The following DOCK1 variants were observed in gnomAD, a reference collection of about 807,000 sequenced individuals.
DOCK1 encodes the protein dedicator of cytokinesis 1, also known as dedicator of cytokinesis protein 1.
In DOCK1, 138 loss-of-function variants were observed where a neutral mutation model predicts 262.7. That is an observed-to-expected ratio of 0.53 (90% CI 0.46 to 0.61). The LOEUF is 0.61. DOCK1 is among the 20% of genes least tolerant of loss of function. The pLI, the probability that DOCK1 is intolerant of heterozygous loss-of-function variation, is 0.00. For missense variants in DOCK1, 1,908 were observed against 2,370.7 expected (o/e 0.80, Z 4.05); for synonymous variants, 866 against 867.4 (o/e 1.00, Z 0.03).
At chr10:127,269,974 T>C (rs2060502296) in intron 29 of DOCK1, among the ~76,000 whole-genome samples, 1 of 152,216 alleles carries the variant, frequency 6.6e-6, no homozygotes, top group Non-Finnish European at 1.5e-5. Context: ...AGTGGCACTG[T>C]CTACAGAGCC....
chr10:127,282,628 A>G (rs1331034979), intron 29 of DOCK1, among the ~76,000 whole-genome samples: 2 of 152,166 alleles, frequency 1.3e-5, no homozygotes, highest in African/African-American at 2.4e-5. Flanking sequence ...GGGCAAAACC[A>G]CAGCACACAC....
At chr10:127,352,521 C>G (rs1164925071) in intron 31 of DOCK1, among the ~76,000 whole-genome samples, 1 of 152,122 alleles carries the variant, frequency 6.6e-6, no homozygotes, top group Non-Finnish European at 1.5e-5. Flanking sequence ...TCTAATCATT[C>G]TGGGACCTGA....
intron 27 of DOCK1, among the ~76,000 whole-genome samples, chr10:127,160,066 T>G (rs896402681): frequency 1.6e-4 from 24 of 151,130 alleles, no homozygotes; most frequent in Non-Finnish European, 3.5e-4. Context: ...AGATGGGGCC[T>G]GAGAGGCAGG....
intron 29 of DOCK1, among the ~76,000 whole-genome samples, chr10:127,309,971 G>C (rs2062005494): frequency 6.6e-6 from 1 of 151,786 alleles, no homozygotes; most frequent in South Asian, 2.1e-4. Flanking sequence ...CACCTCCCAG[G>C]TTCAAGCAAT....
At chr10:126,929,598 C>T (rs1161023710) in intron 1 of DOCK1, among the ~76,000 whole-genome samples, 2 of 151,896 alleles carry the variant, frequency 1.3e-5, no homozygotes, top group Admixed American at 1.3e-4. Flanking sequence ...CTGAGGGAGG[C>T]GCTACCTGGG....
intron 2 of DOCK1, among the ~76,000 whole-genome samples, chr10:126,973,514 A>G (rs574995062): frequency 2.0e-5 from 3 of 152,248 alleles, no homozygotes; most frequent in African/African-American, 7.2e-5. Context: ...ATGATAAGAG[A>G]TCTACAGTGA....
chr10:127,362,335 A>G, intron 33 of DOCK1, 123 bp downstream of exon 33: 3 of 1,139,068 alleles, frequency 2.6e-6, no homozygotes, highest in Non-Finnish European at 3.5e-6. Flanking sequence ...ACATTTTCCT[A>G]CAGCTTGAGA....
At chr10:127,441,273 T>C (rs2070106367) in intron 49 of DOCK1, among the ~76,000 whole-genome samples, 1 of 152,160 alleles carries the variant, frequency 6.6e-6, no homozygotes, top group Non-Finnish European at 1.5e-5. Flanking sequence ...CTAGGGTCCT[T>C]GCAAGCAGCA....
At chr10:127,134,097 C>G (rs2050496847) in intron 27 of DOCK1, among the ~76,000 whole-genome samples, 1 of 152,194 alleles carries the variant, frequency 6.6e-6, no homozygotes, top group Non-Finnish European at 1.5e-5. Context: ...TTACTAACAC[C>G]ATGACATAGA....
chr10:127,110,321 G>A lies in DOCK1; in HGVS notation c.2590G>A (p.Glu864Lys). 3 of 1,613,360 alleles carry A rather than the reference G, an allele frequency of 1.9e-6. No homozygotes were observed. The highest frequency in any genetic ancestry group is 1.1e-5 in the South Asian group (1 of 90,820). Residue 864 changes from glutamate to lysine, a missense_variant, in exon 25 of 52, where the codon GAA becomes AAA. Physicochemically the swap from Glu to Lys is moderately conservative, Grantham distance 56. Transcript: ENST00000623213. ...CATCCAGAAACTCTACTGCTTGATC[G>A]AAATCGTCCACAGTGACCTCTTCAC... Reference protein sequence around the residue: ...LTIQKLYCLIEIVHSDLFTQH... With the variant: ...LTIQKLYCLIKIVHSDLFTQH...
chr10:127,051,339 C>T (rs1163398409), intron 21 of DOCK1, among the ~76,000 whole-genome samples: 1 of 151,892 alleles, frequency 6.6e-6, no homozygotes, highest in Non-Finnish European at 1.5e-5. Flanking sequence ...TCTTACTATT[C>T]TTATATATTG....
intron 4 of DOCK1, among the ~76,000 whole-genome samples, chr10:126,983,616 CT>C (rs2039139165): frequency 1.3e-5 from 2 of 152,074 alleles, no homozygotes; most frequent in South Asian, 4.2e-4. Context: ...CAGGCTCTGT[CT>C]TTCTCTTGCA....
At chr10:127,126,404 G>T (rs2049963953) in intron 26 of DOCK1, among the ~76,000 whole-genome samples, 1 of 149,720 alleles carries the variant, frequency 6.7e-6, no homozygotes, top group Admixed American at 6.7e-5. Flanking sequence ...TTTCTAAATT[G>T]TATGCTTCTT....
intron 29 of DOCK1, among the ~76,000 whole-genome samples, chr10:127,277,111 C>T (rs921015554): frequency 3.9e-5 from 6 of 152,146 alleles, no homozygotes; most frequent in South Asian, 2.1e-4. Context: ...AACTGGTAAA[C>T]GCTCAGTTTC....
chr10:126,933,566 G>T (rs2034337937), intron 1 of DOCK1, among the ~76,000 whole-genome samples: 1 of 152,084 alleles, frequency 6.6e-6, no homozygotes. Context: ...GCCTAGGGAG[G>T]GGGTAAAAAG....
intron 1 of DOCK1, among the ~76,000 whole-genome samples, chr10:126,950,599 C>T (rs896790927): frequency 8.5e-5 from 13 of 152,140 alleles, no homozygotes; most frequent in East Asian, 3.9e-4. Flanking sequence ...TTGTTGTGGA[C>T]GCAGCAGTAC....
chr10:127,086,975 T>C (rs2047236439), intron 23 of DOCK1, among the ~76,000 whole-genome samples: 1 of 152,180 alleles, frequency 6.6e-6, no homozygotes, highest in South Asian at 2.1e-4. Context: ...TGTAATGCAA[T>C]TCTTATTTAA....
chr10:127,043,103 C>T lies in DOCK1; in HGVS notation c.2140C>T (p.His714Tyr), dbSNP rs1350380468. The change falls in exon 21 of 52, where the codon CAT becomes TAT. Residue 714 changes from histidine (H) to tyrosine (Y), a missense_variant. Transcript: ENST00000623213. Reference protein sequence around the residue: ...IGLIADRKFQHFNPVLETYIK... With the variant: ...IGLIADRKFQYFNPVLETYIK... ...ACTGATTGCTGATAGAAAATTTCAG[C>T]ATTTTAATCCTGTTTTGGAAACTTA... The T allele has an allele frequency of 1.2e-6, 2 of 1,610,840 alleles. No individual in the cohort carries two copies. The highest frequency in any genetic ancestry group is 2.2e-5 in the South Asian group (2 of 90,292).
chr10:127,188,992 A>C (rs1182007960), intron 27 of DOCK1, among the ~76,000 whole-genome samples: 1 of 152,154 alleles, frequency 6.6e-6, no homozygotes, highest in Admixed American at 6.5e-5. Context: ...CTCCACTGTG[A>C]GCTGGGTCAG....
Sources: gnomAD v4.1 joint callset for allele counts (sites outside exome capture counted in the v4.1 genomes callset) on GRCh38, gnomAD v4.1.1 for gene constraint, MANE v1.5 for transcripts, NCBI Gene and HGNC (gene_info 2026-07-23, HGNC 2026-07-21) for gene names.